ASB9: variants seen among roughly 807,000 people sequenced by gnomAD.
ASB9 encodes the protein ankyrin repeat and SOCS box containing 9.
In ASB9, 5 loss-of-function variants were observed where a neutral mutation model predicts 16.6. The observed-to-expected ratio is 0.30, with a 90% confidence interval of 0.16 to 0.63. ASB9 has a LOEUF of 0.63. Among genes scored for constraint, ASB9 ranks in the 30% least tolerant of loss-of-function variants. ASB9 has a pLI of 0.82. For synonymous variants in ASB9, 100 were observed against 86.4 expected (o/e 1.16, Z -0.87); for missense variants, 216 against 229.4 (o/e 0.94, Z 0.38).
chrX:15,266,750 C>T (rs1227008876), intron 1 of ASB9, among the ~76,000 whole-genome samples: 2 of 109,941 alleles, frequency 1.8e-5, no homozygotes, highest in Non-Finnish European at 3.8e-5. Flanking sequence ...TCCTGGCTAA[C>T]ATGGTGAAAC....
chrX:15,259,547 A>G (rs1182505327), intron 1 of ASB9, among the ~76,000 whole-genome samples: 1 of 112,968 alleles, frequency 8.9e-6, no homozygotes, highest in Non-Finnish European at 1.9e-5. Context: ...AAGGTGGTTA[A>G]AGAAAGCTCT....
chrX:15,244,950 T>C (rs1924536274), intron 6 of ASB9, among the ~76,000 whole-genome samples: 1 of 112,022 alleles, frequency 8.9e-6, no homozygotes, highest in Non-Finnish European at 1.9e-5. Context: ...ATAATACAAA[T>C]AAAATTTATG....
chrX:15,255,716 T>C (rs1361515361), intron 2 of ASB9, among the ~76,000 whole-genome samples: 1 of 111,908 alleles, frequency 8.9e-6, no homozygotes, highest in African/African-American at 3.3e-5. Flanking sequence ...AATTATTAAG[T>C]TTTAACATAT....
chrX:15,252,795 CTGTG>C (rs977335348), intron 3 of ASB9, among the ~76,000 whole-genome samples: 1 of 112,420 alleles, frequency 8.9e-6, no homozygotes, highest in African/African-American at 3.2e-5. Flanking sequence ...AAATTATTAG[CTGTG>C]TAATTTAGTA....
At chrX:15,263,582 T>G (rs1308959101) in intron 1 of ASB9, among the ~76,000 whole-genome samples, 1 of 57,269 alleles carries the variant, frequency 1.7e-5, no homozygotes, top group Non-Finnish European at 3.1e-5. Flanking sequence ...CCTGTCTCCC[T>G]CTCTCTTCTC....
At chrX:15,250,294 C>A (rs1353002396) in intron 5 of ASB9, 136 bp downstream of exon 5, 37 of 663,531 alleles carry the variant, frequency 5.6e-5, no homozygotes, top group Non-Finnish European at 7.8e-5. Context: ...CCCAAGGGAA[C>A]ACAGTCAATA....
At chrX:15,247,152 A>G (rs1924738325) in intron 6 of ASB9, among the ~76,000 whole-genome samples, 2 of 111,393 alleles carry the variant, frequency 1.8e-5, no homozygotes, top group African/African-American at 6.5e-5. Flanking sequence ...TGAGCAATCC[A>G]CAGGTCTAGT....
Position 15,248,804 on chromosome X carries a change from G to A in ASB9, c.700C>T (p.Arg234Cys), listed in dbSNP as rs748451103. The A allele has an allele frequency of 9.1e-6, 11 of 1,211,763 alleles. No individual in the cohort carries two copies. Among genetic ancestry groups the A allele is most frequent in the South Asian group, 1.8e-5 (1 of 56,947 alleles). ...DTQAKNAEGKRPVELVPPESP... is the reference protein window; with the variant it reads ...DTQAKNAEGKCPVELVPPESP... Reference sequence around the variant, plus strand: ...TCTGGAGGCACCAGCTCCACAGGACGTTTGCCTTCAGCATTCTTGGCCTGG... The same window carrying A: ...TCTGGAGGCACCAGCTCCACAGGACATTTGCCTTCAGCATTCTTGGCCTGG... Residue 234 changes from arginine to cysteine, a missense_variant, in exon 6 of 7, where the codon CGT (arginine) becomes TGT (cysteine). Arg to Cys is a radical substitution (Grantham distance 180). Transcript: ENST00000380488.
chrX:15,244,220 A>G lies in ASB9; in HGVS notation c.*286T>C. 1 of 243,530 alleles carries G rather than the reference A, an allele frequency of 4.1e-6. No individual in the cohort carries two copies. Among genetic ancestry groups the G allele is most frequent in the Non-Finnish European group, 7.3e-6 (1 of 137,638 alleles). The allele number at this position is 243,530 out of a possible 1,213,427, so 20.1% of individuals were successfully genotyped here. On this transcript the variant is annotated 3_prime_UTR_variant, in exon 7 of 7. Coordinates refer to ENST00000380488, the MANE Select transcript of ASB9 (RefSeq NM_001031739.3). ...AGAAAGTGCTTGGCATGCAGTAGAT[A>G]TGCAAAACAATAACTTATGACACTC...
At chrX:15,264,677 G>C (rs1926245652) in intron 1 of ASB9, among the ~76,000 whole-genome samples, 1 of 111,781 alleles carries the variant, frequency 8.9e-6, no homozygotes, top group African/African-American at 3.3e-5. Context: ...TCTTGGCACA[G>C]CTATTTGAAA....
chrX:15,266,740 T>C (rs1330368476), intron 1 of ASB9, among the ~76,000 whole-genome samples: 1 of 109,537 alleles, frequency 9.1e-6, no homozygotes, highest in Non-Finnish European at 1.9e-5. Flanking sequence ...ATTGAGACCA[T>C]CCTGGCTAAC....
chrX:15,258,164 A>T (rs1467997992), intron 2 of ASB9, among the ~76,000 whole-genome samples: 3 of 112,168 alleles, frequency 2.7e-5, no homozygotes, highest in Non-Finnish European at 5.6e-5. Flanking sequence ...CATTTTATGA[A>T]AGCAGAAACC....
At position 15,269,856 on chromosome X, in the gene ASB9, C is replaced by A; in HGVS notation, c.19G>T (p.Gly7Cys). MDGKQGGMDGSKPAGPR... is the reference protein window; with the variant it reads MDGKQGCMDGSKPAGPR... ...CCCGCGGGCTTGCTCCCATCCATGCCCCCTTGTTTGCCATCCATGATGCTC... is the reference window on the plus strand; with the variant it reads ...CCCGCGGGCTTGCTCCCATCCATGCACCCTTGTTTGCCATCCATGATGCTC... The change falls in exon 1 of 7, where the codon GGC becomes TGC. Residue 7 changes from glycine (G) to cysteine (C), a missense_variant. By Grantham distance (159) the Gly-to-Cys change is radical (BLOSUM62 -3). Transcript: ENST00000380488. The A allele has an allele frequency of 8.3e-7, 1 of 1,206,099 alleles. No individual in the cohort carries two copies. The highest frequency in any genetic ancestry group is 1.1e-6 in the Non-Finnish European group (1 of 892,704).
chrX:15,250,587 A>T, intron 4 of ASB9, 23 bp from the exon 5 acceptor site: 1 of 1,186,105 alleles, frequency 8.4e-7, no homozygotes, highest in Non-Finnish European at 1.1e-6. Flanking sequence ...GCAGGAAGAA[A>T]AACAGTTACA....
rs181411440 is a variant in ASB9, at chrX:15,260,269, A to G, written c.95-1324T>C. ...AAAAATTAGCTGGGTGTGGTGGCTC[A>G]CGCCTATAATCCCAGCTAGTCGGGA... On this transcript the variant is annotated intron_variant, in intron 1 of 6. Transcript: ENST00000380488. Among the ~76,000 whole-genome samples the G allele has an allele frequency of 8.6e-4, 96 of 111,710 alleles. 1 individual carries two copies. The highest frequency in any genetic ancestry group is 3.0e-3 in the African/African-American group (91 of 30,744).
At chrX:15,267,252 AC>A (rs1408366976) in intron 1 of ASB9, among the ~76,000 whole-genome samples, 25 of 102,319 alleles carry the variant, frequency 2.4e-4, no homozygotes, top group Admixed American at 6.4e-4. Flanking sequence ...CAAAAAAAAA[AC>A]ACCCCAAAAA....
At chrX:15,246,386 C>T (rs1355560526) in intron 6 of ASB9, among the ~76,000 whole-genome samples, 3 of 112,284 alleles carry the variant, frequency 2.7e-5, no homozygotes, top group Admixed American at 9.4e-5. Flanking sequence ...TTGCTTTGCT[C>T]GGTAATAAAA....
At chrX:15,267,415 A>ATATAT (rs1303441346) in intron 1 of ASB9, among the ~76,000 whole-genome samples, 5 of 48,309 alleles carry the variant, frequency 1.0e-4, no homozygotes, top group South Asian at 1.7e-3. Context: ...ATCTAAAAAA[A>ATATAT]AAATATATAT....
intron 2 of ASB9, among the ~76,000 whole-genome samples, chrX:15,255,357 A>G (rs1272249873): frequency 8.9e-6 from 1 of 112,091 alleles, no homozygotes; most frequent in Non-Finnish European, 1.9e-5. Flanking sequence ...TGATTACATC[A>G]ATTTAAAGTT....
Sources: allele counts gnomAD v4.1 joint callset (sites outside exome capture counted in the v4.1 genomes callset), GRCh38; gene constraint gnomAD v4.1.1; transcripts MANE v1.5; gene names NCBI Gene and HGNC (gene_info 2026-07-23, HGNC 2026-07-21).